MED24: variants seen among roughly 807,000 people sequenced by gnomAD.
MED24 encodes mediator complex subunit 24.
MED24 carries 74 observed loss-of-function variants against 118.8 expected under a neutral mutation model. The ratio of observed to expected loss-of-function variants is 0.62; its 90% CI spans 0.52 to 0.76. MED24 has a LOEUF of 0.76. MED24 is among the 30% of genes least tolerant of loss of function. The pLI is 0.00. For synonymous variants in MED24, 521 were observed against 523.9 expected, an observed-to-expected ratio of 0.99 and a Z score of 0.08; for missense variants, 1,041 against 1,278.9, an observed-to-expected ratio of 0.81 and a Z score of 2.84.
At position 40,020,274 on chromosome 17, in the gene MED24, C is replaced by G. The variant is rs1238241586; in HGVS notation, c.2703G>C (p.Leu901=). Residue 901 remains leucine, a splice_region_variant and synonymous_variant, in exon 24 of 26, where the codon CTG becomes CTC. Coordinates refer to ENST00000394128, the MANE Select transcript of MED24 (RefSeq NM_014815.4). ...VNMRDPLNRV[L]ANLFLLISSI... is the part of the protein sequence containing the mutation. ...CGGCAGCAGGGGTGGGGAACTCACC[C>G]AGGACTCGGTTCAGAGGGTCCCGCA... The G allele has an allele frequency of 1.3e-6, 2 of 1,534,692 alleles. No individual in the cohort carries two copies. Among genetic ancestry groups the G allele is most frequent in the Non-Finnish European group, 1.8e-6 (2 of 1,140,490 alleles).
intron 1 of MED24, 190 bp from the exon 2 acceptor site, chr17:40,053,825 A>C (rs1986079638): frequency 2.8e-6 from 2 of 724,078 alleles, no homozygotes; most frequent in African/African-American, 3.6e-5. Context: ...GCCCTTCCTT[A>C]AACTGGGGCA....
At chr17:40,020,676 C>T (rs1348089184) in intron 23 of MED24, 6 of 379,782 alleles carry the variant, frequency 1.6e-5, no homozygotes, top group Non-Finnish European at 3.0e-5. Context: ...GTCCCAGCTC[C>T]TCGGGAGGCT....
At chr17:40,050,958 G>A (rs1436102214) in intron 3 of MED24, among the ~76,000 whole-genome samples, 1 of 151,912 alleles carries the variant, frequency 6.6e-6, no homozygotes, top group African/African-American at 2.4e-5. Context: ...CTAACGTGGA[G>A]AAACCCAGTC....
intron 20 of MED24, 75 bp from the exon 21 acceptor site, chr17:40,022,901 C>G: frequency 1.3e-6 from 2 of 1,535,278 alleles, no homozygotes; most frequent in South Asian, 1.2e-5. Context: ...GCCACCCCAG[C>G]ATGGCTGTCC....
intron 3 of MED24, among the ~76,000 whole-genome samples, chr17:40,044,857 C>T (rs1260093187): frequency 5.5e-5 from 8 of 144,164 alleles, no homozygotes; most frequent in South Asian, 4.4e-4. Context: ...CCAGCCTGGG[C>T]GACACAGCGA....
intron 19 of MED24, among the ~76,000 whole-genome samples, chr17:40,024,880 C>T (rs12453341): frequency 0.3 from 44,845 of 151,938 alleles, 8,138 homozygotes; most frequent in South Asian, 0.47. Context: ...GGATTGCAGG[C>T]GCCTGCCACC....
intron 23 of MED24, chr17:40,021,061 A>G (rs2144853874): frequency 6.6e-6 from 1 of 152,362 alleles, no homozygotes; most frequent in Middle Eastern, 3.4e-3. Flanking sequence ...CAACAGAGGG[A>G]GACTCCAACT....
At chr17:40,029,687 C>G in intron 13 of MED24, 61 bp downstream of exon 13, 1 of 1,462,976 alleles carries the variant, frequency 6.8e-7, no homozygotes. Context: ...TATCTGCAAG[C>G]AGATGGAGCA....
intron 10 of MED24, 71 bp downstream of exon 10, chr17:40,031,972 C>G (rs1205097462): frequency 6.6e-7 from 1 of 1,514,276 alleles, no homozygotes; most frequent in African/African-American, 1.4e-5. Context: ...CACTGCCCAG[C>G]TGGGGCCTGA....
chr17:40,032,335 T>G, intron 9 of MED24: 1 of 578,102 alleles, frequency 1.7e-6, no homozygotes, highest in Non-Finnish European at 3.0e-6. Flanking sequence ...AAAGATGCCA[T>G]AAGCAAAAGT....
In MED24 at chr17:40,033,999, A is replaced by G. The variant is rs1983672735; in HGVS notation, c.560-543T>C. 6.6e-6 allele frequency among the ~76,000 whole-genome samples: 1 copy of G among 152,088 alleles called. No individual in the cohort carries two copies. Among genetic ancestry groups the G allele is most frequent in the African/African-American group, 2.4e-5 (1 of 41,396 alleles). On this transcript the variant is annotated intron_variant, in intron 6 of 25. Transcript: ENST00000394128. This position sits in a 1 kb window ranked among gnomAD's most constrained non-coding sequence, Gnocchi z 5.2. ...TGCTCTAAGCTTCTGTTCAAGCCCC[A>G]GTTCCTTTAGCAACTCACCCGACTG... is the stretch of plus-strand genomic sequence containing the variant.
rs753899638 is a variant in MED24 at position 40,020,411 on chromosome 17, C to T, written c.2624-58G>A. On this transcript the variant is annotated intron_variant, in intron 23 of 25. Coordinates refer to ENST00000394128, the MANE Select transcript of MED24 (RefSeq NM_014815.4). ...CAGCCTGCCGAGTGCAAAAGTGGTG[C>T]TCCCCGGGGATGCCCCAACCCGACC... is the stretch of plus-strand genomic sequence containing the variant. The T allele has an allele frequency of 2.8e-5, 44 of 1,555,058 alleles. 1 individual carries two copies. The South Asian group carries it at 3.1e-4, about 11-fold the overall frequency.
rs1983804413 is a variant in MED24 at position 40,035,269 on chromosome 17, G to A, written c.407C>T (p.Ala136Val). The A allele has an allele frequency of 1.2e-6, 2 of 1,613,550 alleles. No homozygotes were observed. The highest frequency in any genetic ancestry group is 2.2e-5 in the East Asian group (1 of 44,872). ...CTCCCGCAGCCGCTCTGCAGAGGCT[G>A]CCGTGCAGCGCAGCAGCCAGTGGAG... ...SALHWLLRCT[A>V]ASAERLREGL... is the part of the protein sequence containing the mutation. The change falls in exon 6 of 26, where the codon GCA (alanine) becomes GTA (valine). Residue 136 changes from alanine (A) to valine (V), a missense_variant. Ala to Val is a moderately conservative substitution (Grantham distance 64). Around this residue, in one of 3 missense-constraint regions of MED24, gnomAD observed 434 missense variants for 514.9 expected, o/e 0.84. Transcript: ENST00000394128.
rs748349583 is a variant in MED24 at position 40,026,317 on chromosome 17, G to A, written c.1824C>T (p.Asn608=). The change falls in exon 19 of 26, where the codon AAC becomes AAT. Residue 608 remains asparagine, a synonymous_variant. Coordinates refer to ENST00000394128, the MANE Select transcript of MED24 (RefSeq NM_014815.4). ...CCAGACTGCATACCTTCCCTTTGAT[G>A]TTATCAGTGATTTTCTAGGGGAGAC... ...AFESIQKITD[N]IKGKVCSLAV... 2.5e-6 allele frequency: 4 copies of A among 1,613,690 alleles called. No homozygotes were observed. The Admixed American group carries it at 6.7e-5, about 27-fold the overall frequency.
In MED24 at chr17:40,027,423, AAGG is replaced by A. The variant is rs1982806004; in HGVS notation, c.1487_1489del (p.Ser496del). ...CTGGGCCACATGGCACAGCATGAGG[AAGG>A]AGATGTCAAACAGCAGGGCCCGGAC... is the stretch of plus-strand genomic sequence containing the variant. On this transcript the variant is annotated inframe_deletion, in exon 16 of 26. Transcript: ENST00000394128. The A allele has an allele frequency of 4.3e-6, 7 of 1,613,770 alleles. No homozygotes were observed. Among genetic ancestry groups the A allele is most frequent in the Non-Finnish European group, 5.9e-6 (7 of 1,179,830 alleles).
rs1982261532 is a variant in MED24 at position 40,023,317 on chromosome 17, G to A, written c.2064C>T (p.Pro688=). 5 of 1,614,040 alleles carry A rather than the reference G, an allele frequency of 3.1e-6. No homozygotes were observed. The highest frequency in any genetic ancestry group is 4.2e-6 in the Non-Finnish European group (5 of 1,179,958). The part of the protein sequence containing the change: ...LQQTATQIKF[P]STGVDTMPYW... ...AGGGCATTGTGTCCACCCCGGTGGA[G>A]GGAAACTTGATCTGCGTGGCTGTCT... The change falls in exon 20 of 26, where the codon CCC becomes CCT. Residue 688 remains proline, a synonymous_variant. Coordinates refer to ENST00000394128, the MANE Select transcript of MED24 (RefSeq NM_014815.4).
chr17:40,053,944 A>T (rs1173067802), intron 1 of MED24: 5 of 483,726 alleles, frequency 1.0e-5, no homozygotes, highest in East Asian at 3.5e-5. Context: ...TAGCCTGACC[A>T]ACATGGAGAA....
chr17:40,041,469 A>C (rs1984554927), intron 3 of MED24, among the ~76,000 whole-genome samples: 1 of 152,126 alleles, frequency 6.6e-6, no homozygotes, highest in Non-Finnish European at 1.5e-5. Flanking sequence ...TTTGATTACC[A>C]TCAGTAGCTG....
At chr17:40,035,950 C>A in intron 4 of MED24, 155 bp from the exon 5 acceptor site, 1 of 1,075,094 alleles carries the variant, frequency 9.3e-7, no homozygotes, top group Non-Finnish European at 1.4e-6. Context: ...CTCCCAAGCA[C>A]CAGCCCCTAC....
Sources: allele counts gnomAD v4.1 joint callset (sites outside exome capture counted in the v4.1 genomes callset), GRCh38; gene constraint gnomAD v4.1.1; regional missense constraint gnomAD v4.1.1; non-coding constraint Gnocchi (gnomAD v3.1); transcripts MANE v1.5; gene names NCBI Gene and HGNC (gene_info 2026-07-23, HGNC 2026-07-21).